RIC1: variants seen among roughly 807,000 people sequenced by gnomAD.
RIC1 encodes the protein guanine nucleotide exchange factor subunit RIC1.
RIC1 carries 88 observed loss-of-function variants against 169.0 expected under a neutral mutation model. The observed-to-expected ratio is 0.52, with a 90% CI of 0.44 to 0.62. RIC1 has a LOEUF of 0.62. Among genes scored for constraint, RIC1 ranks in the 20% least tolerant of loss-of-function variants. RIC1 has a pLI of 0.00. For synonymous variants in RIC1, 790 were observed against 601.5 expected (o/e 1.31, Z -4.59); for missense variants, 1,877 against 1,725.5 (o/e 1.09, Z -1.56).
At chr9:5,755,000 T>C (rs1405040271) in intron 15 of RIC1, 70 bp downstream of exon 15, 5 of 949,614 alleles carry the variant, frequency 5.3e-6, no homozygotes, top group East Asian at 2.7e-5. Context: ...TAATTTTATA[T>C]AGAAAATAGT....
intron 2 of RIC1, among the ~76,000 whole-genome samples, chr9:5,683,912 G>T (rs1821027344): frequency 6.6e-6 from 1 of 152,178 alleles, no homozygotes; most frequent in Non-Finnish European, 1.5e-5. Context: ...CTAGCAATGA[G>T]CGAGGCTCCG....
At chr9:5,654,388 A>G (rs1818968116) in intron 1 of RIC1, among the ~76,000 whole-genome samples, 1 of 152,090 alleles carries the variant, frequency 6.6e-6, no homozygotes, top group Admixed American at 6.6e-5. Context: ...CTGGGATTAC[A>G]GGTGACTGCC....
intron 4 of RIC1, among the ~76,000 whole-genome samples, chr9:5,716,479 G>A (rs1431796004): frequency 3.9e-5 from 6 of 152,080 alleles, no homozygotes; most frequent in African/African-American, 1.4e-4. Flanking sequence ...TGGGTGTGGT[G>A]GCACACGCCT....
chr9:5,734,288 G>A (rs1177893525), intron 7 of RIC1, among the ~76,000 whole-genome samples: 1 of 151,450 alleles, frequency 6.6e-6, no homozygotes, highest in African/African-American at 2.4e-5. Context: ...TGTATTTTTA[G>A]TAGAACGGAG....
chr9:5,646,824 T>C (rs908245035), intron 1 of RIC1, among the ~76,000 whole-genome samples: 1 of 152,228 alleles, frequency 6.6e-6, no homozygotes, highest in East Asian at 1.9e-4. Flanking sequence ...ATGAAGTCTG[T>C]CTTACCTATT....
intron 4 of RIC1, among the ~76,000 whole-genome samples, chr9:5,714,369 G>A (rs1471577658): frequency 1.3e-5 from 2 of 152,120 alleles, no homozygotes; most frequent in Non-Finnish European, 2.9e-5. Flanking sequence ...AAGCTTCTGG[G>A]AAGTTTATAT....
At chr9:5,757,481 G>A in intron 17 of RIC1, 30 bp downstream of exon 17, 2 of 1,610,702 alleles carry the variant, frequency 1.2e-6, no homozygotes, top group Non-Finnish European at 1.7e-6. Context: ...GGTCTTTGGA[G>A]TTTACATTTC....
chr9:5,743,734 T>C lies in RIC1; in HGVS notation c.1092T>C (p.Ser364=). Residue 364 remains serine (S), a synonymous_variant, in exon 10 of 26, where the codon TCT becomes TCC. Coordinates refer to ENST00000414202, the MANE Select transcript of RIC1 (RefSeq NM_020829.4). ...AAAAAGATCCCCTTAAGATCAACTCTATGGTAAGTACTTTCTATAAAAAAT... is the reference window on the plus strand; with the variant it reads ...AAAAAGATCCCCTTAAGATCAACTCCATGGTAAGTACTTTCTATAAAAAAT... ...GTKKDPLKIN[S]MSWGAEGYHL... The C allele has an allele frequency of 4.4e-6, 7 of 1,605,988 alleles. No individual in the cohort carries two copies. Among genetic ancestry groups the C allele is most frequent in the Non-Finnish European group, 5.1e-6 (6 of 1,174,176 alleles).
chr9:5,753,660 G>C lies in RIC1; in HGVS notation c.1602+14G>C. The C allele has an allele frequency of 7.4e-7, 1 of 1,344,746 alleles. No homozygotes were observed. The highest frequency in any genetic ancestry group is 1.1e-6 in the Non-Finnish European group (1 of 950,466). The allele number at this position is 1,344,746 out of a possible 1,614,324, so 83.3% of individuals were successfully genotyped here. A position where few individuals can be genotyped will look rare whatever the true frequency, so the allele number is the denominator to read the frequency against. ...AACATTACCCAGGTTAGTCTTTTTT[G>C]AGATTAAAAACCTATTTCTCAAAGT... On this transcript the variant is annotated intron_variant, in intron 14 of 25. Transcript: ENST00000414202.
chr9:5,657,600 C>T (rs1278951871), intron 2 of RIC1, among the ~76,000 whole-genome samples: 1 of 152,076 alleles, frequency 6.6e-6, no homozygotes, highest in Non-Finnish European at 1.5e-5. Context: ...ACTCAGCTTC[C>T]ATTTACTATA....
intron 2 of RIC1, among the ~76,000 whole-genome samples, chr9:5,675,234 A>G (rs1193455922): frequency 4.6e-5 from 7 of 152,168 alleles, no homozygotes; most frequent in Non-Finnish European, 8.8e-5. Flanking sequence ...AAAAATGGTT[A>G]TGGCAGAGCA....
chr9:5,709,101 A>G (rs1198414324), intron 3 of RIC1, among the ~76,000 whole-genome samples: 1 of 152,212 alleles, frequency 6.6e-6, no homozygotes, highest in Non-Finnish European at 1.5e-5. Flanking sequence ...TTAAAAACAA[A>G]ACATGTACCA....
At chr9:5,734,394 G>A (rs923028755) in intron 7 of RIC1, among the ~76,000 whole-genome samples, 3 of 152,008 alleles carry the variant, frequency 2.0e-5, no homozygotes, top group Admixed American at 1.3e-4. Context: ...GTGAGCCACT[G>A]GGCCCGGCCC....
At chr9:5,672,469 A>C (rs1820163172) in intron 2 of RIC1, among the ~76,000 whole-genome samples, 1 of 152,248 alleles carries the variant, frequency 6.6e-6, no homozygotes, top group East Asian at 1.9e-4. Flanking sequence ...ACTGATAAAT[A>C]ACCCCTTGTG....
intron 2 of RIC1, among the ~76,000 whole-genome samples, chr9:5,669,015 A>C (rs1349754695): frequency 6.6e-6 from 1 of 152,166 alleles, no homozygotes; most frequent in Non-Finnish European, 1.5e-5. Context: ...TGACTTTGGA[A>C]ATCTAATTCT....
At chr9:5,776,791 T>C (rs1827613481), downstream of RIC1, among the ~76,000 whole-genome samples, 1 of 151,896 alleles carries the variant, frequency 6.6e-6, no homozygotes, top group African/African-American at 2.4e-5. Context: ...GTTCAAAATA[T>C]AATGAAGGAA....
At chr9:5,681,719 A>T (rs1479741879) in intron 2 of RIC1, among the ~76,000 whole-genome samples, 1 of 152,066 alleles carries the variant, frequency 6.6e-6, no homozygotes, top group African/African-American at 2.4e-5. Context: ...TGTCTCTTTG[A>T]TCTGTCTAAT....
intron 5 of RIC1, 50 bp downstream of exon 5, chr9:5,720,374 T>G (rs2130863611): frequency 1.3e-6 from 2 of 1,534,486 alleles, no homozygotes; most frequent in South Asian, 2.4e-5. Context: ...ATGTTTGATG[T>G]CTAGTTAGGT....
At chr9:5,657,463 A>C (rs1819169303) in intron 2 of RIC1, among the ~76,000 whole-genome samples, 1 of 152,158 alleles carries the variant, frequency 6.6e-6, no homozygotes, top group South Asian at 2.1e-4. Flanking sequence ...TTTAATCTTT[A>C]GATAAGTGCT....
Sources: gnomAD v4.1 joint callset for allele counts (sites outside exome capture counted in the v4.1 genomes callset) on GRCh38, gnomAD v4.1.1 for gene constraint, MANE v1.5 for transcripts, NCBI Gene and HGNC (gene_info 2026-07-23, HGNC 2026-07-21) for gene names.